The following KIAA0825 variants were observed in gnomAD, a reference collection of about 807,000 sequenced individuals.
The protein encoded by KIAA0825 is KIAA0825.
KIAA0825 carries 119 observed loss-of-function variants against 147.6 expected under a neutral mutation model. That is an observed-to-expected ratio of 0.81 (90% CI 0.69 to 0.94). KIAA0825 has a LOEUF of 0.94. Among genes scored for constraint, KIAA0825 ranks in the 40% least tolerant of loss-of-function variants. The pLI is 0.00. For synonymous variants in KIAA0825, 470 were observed against 518.1 expected, an observed-to-expected ratio of 0.91 and a Z score of 1.26; for missense variants, 1,381 against 1,472.7, an observed-to-expected ratio of 0.94 and a Z score of 1.02.
At chr5:94,464,761 G>C (rs1760276848) in intron 11 of KIAA0825, 108 bp downstream of exon 11, 1 of 894,910 alleles carries the variant, frequency 1.1e-6, no homozygotes, top group South Asian at 2.4e-5. Context: ...TCAGATGTTA[G>C]AAACATGTTA....
At chr5:94,561,631 G>A (rs1777570403) in intron 2 of KIAA0825, among the ~76,000 whole-genome samples, 2 of 152,102 alleles carry the variant, frequency 1.3e-5, no homozygotes, top group Admixed American at 6.5e-5. Context: ...CATTTAATCT[G>A]ATCATTTCAC....
At chr5:94,464,533 C>T (rs549254211) in intron 11 of KIAA0825, among the ~76,000 whole-genome samples, 2 of 152,268 alleles carry the variant, frequency 1.3e-5, no homozygotes, top group East Asian at 3.9e-4. Context: ...TCCATCATGG[C>T]ATGGATGCTT....
In KIAA0825 at chr5:94,224,139, G is replaced by A. The variant is rs952851272; in HGVS notation, c.3711-70015C>T. Reference sequence around the variant, plus strand: ...GAAAGAGTCTCGCTCTGTCACCCAGGCTAGAGTGCAGTGGCACAATCTCGG... The same window carrying A: ...GAAAGAGTCTCGCTCTGTCACCCAGACTAGAGTGCAGTGGCACAATCTCGG... On this transcript the variant is annotated intron_variant, in intron 20 of 20. Transcript: ENST00000682413. Among the ~76,000 whole-genome samples, 3 of 114,586 alleles carry A rather than the reference G, an allele frequency of 2.6e-5. No homozygotes were observed. In the Admixed American group the frequency reaches 3.8e-4, roughly 15 times the overall value. 75.2% of individuals were successfully genotyped at this position (114,586 alleles called of 152,430 possible). A position where few individuals can be genotyped will look rare whatever the true frequency, so the allele number is the denominator to read the frequency against.
intron 20 of KIAA0825, among the ~76,000 whole-genome samples, chr5:94,307,937 T>A (rs1259514586): frequency 6.6e-6 from 1 of 151,770 alleles, no homozygotes; most frequent in Non-Finnish European, 1.5e-5. Flanking sequence ...TATTTATTGG[T>A]TGGTATTATA....
intron 1 of KIAA0825, among the ~76,000 whole-genome samples, chr5:94,582,996 G>A (rs186918022): frequency 1.7e-4 from 26 of 152,174 alleles, no homozygotes; most frequent in Non-Finnish European, 2.4e-4. Context: ...TATTAAAACC[G>A]TCTTTTCCCC....
At chr5:94,591,826 G>C (rs77754313) in intron 1 of KIAA0825, among the ~76,000 whole-genome samples, 1,845 of 152,252 alleles carry the variant, frequency 0.012, 33 homozygotes, top group African/African-American at 0.042. Context: ...GCGGAAGGTG[G>C]AGAAGCAAAG....
At position 94,469,984 on chromosome 5, in the gene KIAA0825, C is replaced by T; in HGVS notation, c.1849G>A (p.Asp617Asn). The T allele has an allele frequency of 1.3e-6, 2 of 1,551,626 alleles. No individual in the cohort carries two copies. Among genetic ancestry groups the T allele is most frequent in the Non-Finnish European group, 8.7e-7 (1 of 1,146,890 alleles). ...ILQDAESHHW[D>N]DYKAFYEGER... ...ACCTCATAAAAAGCTTTGTAGTCAT[C>T]CCAGTGGTGGCTCTCAGCATCCTGT... The change falls in exon 10 of 21, where the codon GAT becomes AAT. Residue 617 changes from aspartate (D) to asparagine (N), a missense_variant. Physicochemically the swap from Asp to Asn is conservative, Grantham distance 23 (BLOSUM62 1). Transcript: ENST00000682413.
At chr5:94,178,937 T>C (rs924037207) in intron 20 of KIAA0825, among the ~76,000 whole-genome samples, 1 of 152,120 alleles carries the variant, frequency 6.6e-6, no homozygotes, top group Non-Finnish European at 1.5e-5. Context: ...ATCAATGATA[T>C]GCCATTCAGC....
At chr5:94,392,644 G>A (rs1750052811) in intron 17 of KIAA0825, among the ~76,000 whole-genome samples, 1 of 152,244 alleles carries the variant, frequency 6.6e-6, no homozygotes, top group African/African-American at 2.4e-5. Context: ...AAAATTTTCT[G>A]TGGTGTAATC....
intron 20 of KIAA0825, among the ~76,000 whole-genome samples, chr5:94,259,772 T>A (rs982414547): frequency 3.3e-5 from 5 of 151,958 alleles, no homozygotes; most frequent in Admixed American, 6.6e-5. Context: ...CCTGCAGCAA[T>A]CTAATTTATA....
At chr5:94,247,286 A>C (rs570159906) in intron 20 of KIAA0825, among the ~76,000 whole-genome samples, 25 of 152,158 alleles carry the variant, frequency 1.6e-4, no homozygotes, top group Non-Finnish European at 1.8e-4. Context: ...ATCACAGAAC[A>C]TACTACTTTT....
chr5:94,391,005 G>A (rs949159411), intron 18 of KIAA0825, among the ~76,000 whole-genome samples: 3 of 152,176 alleles, frequency 2.0e-5, no homozygotes, highest in African/African-American at 4.8e-5. Flanking sequence ...CAAGGTCAGA[G>A]GCAATGGGAT....
chr5:94,303,557 A>C (rs1269703264), intron 20 of KIAA0825, among the ~76,000 whole-genome samples: 2 of 152,060 alleles, frequency 1.3e-5, no homozygotes, highest in Non-Finnish European at 2.9e-5. Flanking sequence ...GTGGAGTGGG[A>C]AGTTTTAAAA....
intron 20 of KIAA0825, among the ~76,000 whole-genome samples, chr5:94,273,300 A>G (rs1320081577): frequency 6.6e-6 from 1 of 152,182 alleles, no homozygotes; most frequent in Admixed American, 6.5e-5. Flanking sequence ...GTGTACGGAG[A>G]GGCATTTATT....
chr5:94,597,302 A>G (rs975160348), intron 1 of KIAA0825, among the ~76,000 whole-genome samples: 2 of 152,190 alleles, frequency 1.3e-5, no homozygotes, highest in African/African-American at 4.8e-5. Context: ...TTAAAAGAAT[A>G]TAATCATAAA....
At chr5:94,316,870 C>A (rs1483426548) in intron 20 of KIAA0825, among the ~76,000 whole-genome samples, 1 of 151,572 alleles carries the variant, frequency 6.6e-6, no homozygotes, top group African/African-American at 2.4e-5. Flanking sequence ...AGCTAACCAC[C>A]CTGTATTAAA....
At chr5:94,364,261 G>A (rs1262031596) in intron 20 of KIAA0825, among the ~76,000 whole-genome samples, 1 of 151,912 alleles carries the variant, frequency 6.6e-6, no homozygotes, top group Non-Finnish European at 1.5e-5. Flanking sequence ...GCCTGAGTGG[G>A]TCTTCGACGG....
chr5:94,588,948 C>G (rs150006559), intron 1 of KIAA0825, among the ~76,000 whole-genome samples: 3 of 152,240 alleles, frequency 2.0e-5, no homozygotes, highest in African/African-American at 7.2e-5. Context: ...CATGTTGTCA[C>G]TCATAAACGG....
chr5:94,452,987 T>G lies in KIAA0825; in HGVS notation c.2329A>C (p.Ile777Leu). 1 of 1,528,044 alleles carries G rather than the reference T, an allele frequency of 6.5e-7. No homozygotes were observed. Among genetic ancestry groups the G allele is most frequent in the Non-Finnish European group, 8.8e-7 (1 of 1,136,832 alleles). The allele number at this position is 1,528,044 out of a possible 1,614,324, so 94.7% of individuals were successfully genotyped here. Residue 777 changes from isoleucine to leucine, a missense_variant, in exon 13 of 21, where the codon ATA becomes CTA. Ile to Leu is a conservative substitution (Grantham distance 5). Transcript: ENST00000682413. ...AGTAAAGAAGGGTAGAAATGTGATA[T>G]GCAAGAAACCCAATATAATGGTTGC... ...FKQPLYWVSC[I>L]SHFYPSLLRT... is the part of the protein sequence containing the mutation.
Sources: gnomAD v4.1 joint callset for allele counts (sites outside exome capture counted in the v4.1 genomes callset) on GRCh38, gnomAD v4.1.1 for gene constraint, MANE v1.5 for transcripts, NCBI Gene and HGNC (gene_info 2026-07-23, HGNC 2026-07-21) for gene names.